Variants in DPF3 observed in about 807,000 individuals in gnomAD.
The protein encoded by DPF3 is zinc finger protein DPF3.
A neutral mutation model predicts 56.8 loss-of-function variants in DPF3; 18 were observed. That is an observed-to-expected ratio of 0.32 (90% CI 0.22 to 0.47). The LOEUF (loss-of-function observed/expected upper bound fraction) is 0.47. Ranked by LOEUF, DPF3 falls within the 20% of genes least tolerant of loss-of-function variation. The pLI is 1.00. For synonymous variants in DPF3, 188 were observed against 180.2 expected (o/e 1.04, Z -0.35); for missense variants, 403 against 488.8 (o/e 0.82, Z 1.65).
intron 1 of DPF3, among the ~76,000 whole-genome samples, chr14:72,867,966 C>T (rs879575361): frequency 7.7e-4 from 117 of 152,056 alleles, no homozygotes; most frequent in Non-Finnish European, 1.5e-3. Flanking sequence ...ATCTTGAACT[C>T]CTGGACTCAA....
At chr14:72,851,780 G>A (rs1040567389) in intron 1 of DPF3, among the ~76,000 whole-genome samples, 17 of 152,312 alleles carry the variant, frequency 1.1e-4, no homozygotes, top group Admixed American at 1.0e-3. Flanking sequence ...GTTCCTCCCC[G>A]TGTGGGTAAT....
chr14:72,770,793 C>T (rs553807135), intron 2 of DPF3, among the ~76,000 whole-genome samples: 2 of 152,312 alleles, frequency 1.3e-5, no homozygotes, highest in South Asian at 4.2e-4. Context: ...AAATCACATT[C>T]CTGTAGCTGT....
chr14:72,709,373 T>C (rs933631806), intron 6 of DPF3, among the ~76,000 whole-genome samples: 1 of 152,202 alleles, frequency 6.6e-6, no homozygotes, highest in African/African-American at 2.4e-5. Flanking sequence ...TCTAGCCTAA[T>C]GCCGTAGTTG....
chr14:72,740,081 C>T (rs974804647), intron 3 of DPF3, among the ~76,000 whole-genome samples: 1 of 152,030 alleles, frequency 6.6e-6, no homozygotes, highest in Non-Finnish European at 1.5e-5. Flanking sequence ...GAGGGGGCTA[C>T]GCTGACATCC....
Position 72,615,724 on chromosome 14 carries a change from T to G in DPF3, c.*3573A>C, listed in dbSNP as rs1403511753. Among the ~76,000 whole-genome samples, 1 of 152,234 alleles carries G rather than the reference T, an allele frequency of 6.6e-6. No homozygotes were observed. Among genetic ancestry groups the G allele is most frequent in the Admixed American group, 6.5e-5 (1 of 15,284 alleles). ...GGAGCAGGGGAGCCTTGGGACCTGC[T>G]GGCTCCTGCTTCAGGGGCGATGAGT... On this transcript the variant is annotated 3_prime_UTR_variant, in exon 11 of 11. Transcript: ENST00000556509.
intron 1 of DPF3, among the ~76,000 whole-genome samples, chr14:72,825,840 G>A (rs1039858972): frequency 1.3e-5 from 2 of 152,192 alleles, no homozygotes; most frequent in Non-Finnish European, 2.9e-5. Flanking sequence ...GAATGAGGCA[G>A]GAGAGCTCTA....
At chr14:72,886,146 T>C (rs1024073570) in intron 1 of DPF3, among the ~76,000 whole-genome samples, 1 of 151,584 alleles carries the variant, frequency 6.6e-6, no homozygotes, top group Non-Finnish European at 1.5e-5. Flanking sequence ...CTGAGGCGGG[T>C]GGATCATCTG....
intron 2 of DPF3, among the ~76,000 whole-genome samples, chr14:72,764,614 G>A (rs370325212): frequency 2.5e-4 from 37 of 147,824 alleles, no homozygotes; most frequent in Non-Finnish European, 4.1e-4. Flanking sequence ...TCAGCCTCCT[G>A]AGTAGCTGGG....
intron 1 of DPF3, among the ~76,000 whole-genome samples, chr14:72,877,567 C>T (rs1886162789): frequency 6.6e-6 from 1 of 152,136 alleles, no homozygotes; most frequent in South Asian, 2.1e-4. Context: ...AACAAGCATC[C>T]TACTGCTGCA....
intron 7 of DPF3, among the ~76,000 whole-genome samples, chr14:72,689,125 C>T (rs1341550556): frequency 3.3e-5 from 5 of 152,086 alleles, no homozygotes; most frequent in Admixed American, 6.6e-5. Context: ...AGGTCAGCGC[C>T]GGCTCCAGCA....
At chr14:72,725,812 A>G (rs1452380296) in intron 4 of DPF3, among the ~76,000 whole-genome samples, 3 of 152,304 alleles carry the variant, frequency 2.0e-5, no homozygotes, top group African/African-American at 7.2e-5. Context: ...GCCCCTGGCT[A>G]GAATGTTCTG....
chr14:72,806,553 ACT>A (rs1448247667), intron 1 of DPF3, among the ~76,000 whole-genome samples: 6 of 151,984 alleles, frequency 3.9e-5, no homozygotes, highest in African/African-American at 1.5e-4. Flanking sequence ...ACAAAATTCA[ACT>A]CTGCAAACTT....
intron 1 of DPF3, chr14:72,892,574 G>C (rs1599531460): frequency 7.7e-7 from 1 of 1,302,554 alleles, no homozygotes; most frequent in South Asian, 2.4e-5. Flanking sequence ...ATTCCTTTGC[G>C]TTAGGAACCC....
At chr14:72,657,811 A>C (rs1240918266) in intron 8 of DPF3, among the ~76,000 whole-genome samples, 1 of 152,198 alleles carries the variant, frequency 6.6e-6, no homozygotes, top group Non-Finnish European at 1.5e-5. Context: ...CTTCACCCAG[A>C]GCTGAGTAGT....
Position 72,610,737 on chromosome 14 carries a change from G to T in DPF3, c.*8560C>A, listed in dbSNP as rs1221771994. ...GCAGGTGGGAGATGGAGCCTTCTCAGAGCTCAGCCACTGGCTCTTGGGCTC... is the reference window on the plus strand; with the variant it reads ...GCAGGTGGGAGATGGAGCCTTCTCATAGCTCAGCCACTGGCTCTTGGGCTC... On this transcript the variant is annotated 3_prime_UTR_variant, in exon 11 of 11. Transcript: ENST00000556509. 1.3e-5 allele frequency among the ~76,000 whole-genome samples: 2 copies of T among 152,200 alleles called. No homozygotes were observed. The highest frequency in any genetic ancestry group is 3.8e-4 in the East Asian group (2 of 5,196).
At chr14:72,839,466 G>A (rs2140065777) in intron 1 of DPF3, among the ~76,000 whole-genome samples, 1 of 152,304 alleles carries the variant, frequency 6.6e-6, no homozygotes, top group East Asian at 1.9e-4. Context: ...GCGGGGCTGG[G>A]GATGTGGCAG....
At chr14:72,776,154 C>T (rs1332436152) in intron 1 of DPF3, among the ~76,000 whole-genome samples, 1 of 152,114 alleles carries the variant, frequency 6.6e-6, no homozygotes, top group Admixed American at 6.5e-5. Context: ...CCAGCCATCA[C>T]CTGCATGCAC....
At chr14:72,860,661 T>G (rs7159877) in intron 1 of DPF3, among the ~76,000 whole-genome samples, 121,561 of 151,772 alleles carry the variant, frequency 0.8, 49,271 homozygotes, top group African/African-American at 0.92. Context: ...CACCTCCTGG[T>G]TTCAAGCAAT....
At chr14:72,696,598 G>A (rs1887908841) in intron 6 of DPF3, among the ~76,000 whole-genome samples, 1 of 152,194 alleles carries the variant, frequency 6.6e-6, no homozygotes, top group African/African-American at 2.4e-5. Context: ...GGGCGAAGAG[G>A]CAAATTGCAG....
Sources: gnomAD v4.1 joint callset for allele counts (sites outside exome capture counted in the v4.1 genomes callset) on GRCh38, gnomAD v4.1.1 for gene constraint, MANE v1.5 for transcripts, NCBI Gene and HGNC (gene_info 2026-07-23, HGNC 2026-07-21) for gene names.